CATSPERE: variants seen among roughly 807,000 people sequenced by gnomAD.
CATSPERE encodes cation channel sperm-associated auxiliary subunit epsilon.
A neutral mutation model predicts 114.1 loss-of-function variants in CATSPERE; 93 were observed. That is an observed-to-expected ratio of 0.81 (90% CI 0.69 to 0.97). CATSPERE has a LOEUF of 0.97. CATSPERE is among the 50% of genes least tolerant of loss of function. The probability of loss-of-function intolerance (pLI) is 0.00; values close to 1 mark genes in which losing one functional copy is unlikely to be tolerated. For synonymous variants in CATSPERE, 341 were observed against 384.1 expected, an observed-to-expected ratio of 0.89 and a Z score of 1.31; for missense variants, 1,058 against 1,131.6, an observed-to-expected ratio of 0.93 and a Z score of 0.93.
In CATSPERE at chr1:244,573,031, T is replaced by C. The variant is rs975354930; in HGVS notation, c.1950+259T>C. ...AATTGTATTGTTCACTTCTTCTTCT[T>C]TTTTTTTTTAATGCATGGCTTTCCT... On this transcript the variant is annotated intron_variant, in intron 11 of 21. Coordinates refer to ENST00000366534, the MANE Select transcript of CATSPERE (RefSeq NM_001130957.2). This position sits in a 1 kb window ranked among gnomAD's most constrained non-coding sequence, Gnocchi z 4.0. Among the ~76,000 whole-genome samples, 18 of 147,540 alleles carry C rather than the reference T, an allele frequency of 1.2e-4. No homozygotes were observed. Among genetic ancestry groups the C allele is most frequent in the Non-Finnish European group, 2.7e-4 (18 of 66,506 alleles).
chr1:244,627,081 G>C (rs1261953051), intron 20 of CATSPERE, among the ~76,000 whole-genome samples: 1 of 152,174 alleles, frequency 6.6e-6, no homozygotes, highest in Non-Finnish European at 1.5e-5. Context: ...TGAACACGTA[G>C]AGGCTATTTT....
upstream of CATSPERE, chr1:244,451,730 C>A: frequency 6.2e-7 from 1 of 1,610,288 alleles, no homozygotes; most frequent in Non-Finnish European, 8.5e-7. The surrounding 1 kb of genome is among the most constrained non-coding windows in gnomAD (Gnocchi z 6.6). Context: ...ACCACCGTCA[C>A]CCGGTTTCCT....
At chr1:244,611,099 CTA>C (rs1452484138) in intron 19 of CATSPERE, among the ~76,000 whole-genome samples, 2 of 152,112 alleles carry the variant, frequency 1.3e-5, no homozygotes, top group South Asian at 2.1e-4. Flanking sequence ...GCGTTTATAA[CTA>C]TGACACATTA....
intron 8 of CATSPERE, among the ~76,000 whole-genome samples, chr1:244,545,710 C>A (rs1659646268): frequency 6.6e-6 from 1 of 152,212 alleles, no homozygotes; most frequent in African/African-American, 2.4e-5. Flanking sequence ...CCATCATGAA[C>A]TGTTACTTGA....
Position 244,617,494 on chromosome 1 carries a change from T to C in CATSPERE, c.2491-35T>C, listed in dbSNP as rs1305201665. ...AATTTTGCGTATCAAAGTCATAAAA[T>C]GACCTTAAAATTTTTGTCTTTGTTT... On this transcript the variant is annotated intron_variant, in intron 19 of 21. Coordinates refer to ENST00000366534, the MANE Select transcript of CATSPERE (RefSeq NM_001130957.2). 4 of 1,450,826 alleles carry C rather than the reference T, an allele frequency of 2.8e-6. 1 individual carries two copies. The South Asian group carries it at 5.7e-5, about 21-fold the overall frequency. 89.9% of individuals were successfully genotyped at this position (1,450,826 alleles called of 1,614,324 possible). A position where few individuals can be genotyped will look rare whatever the true frequency, so the allele number is the denominator to read the frequency against.
At chr1:244,615,826 A>T (rs949790676) in intron 19 of CATSPERE, among the ~76,000 whole-genome samples, 1 of 151,974 alleles carries the variant, frequency 6.6e-6, no homozygotes, top group Non-Finnish European at 1.5e-5. Flanking sequence ...ATTTTCAAAA[A>T]TTTCAGGCCA....
chr1:244,587,941 T>A (rs1667221077), intron 13 of CATSPERE, among the ~76,000 whole-genome samples: 1 of 152,146 alleles, frequency 6.6e-6, no homozygotes, highest in Admixed American at 6.5e-5. Flanking sequence ...CCACCTGTAA[T>A]CCCAGCACTT....
chr1:244,562,173 A>AAAAAAC, intron 10 of CATSPERE, among the ~76,000 whole-genome samples: 1 of 151,190 alleles, frequency 6.6e-6, no homozygotes, highest in African/African-American at 2.4e-5. Flanking sequence ...AAAAAAAAAA[A>AAAAAAC]AGCTCCTGTG....
At chr1:244,544,295 T>G (rs891438847) in intron 8 of CATSPERE, among the ~76,000 whole-genome samples, 1 of 152,174 alleles carries the variant, frequency 6.6e-6, no homozygotes, top group Non-Finnish European at 1.5e-5. Flanking sequence ...TTTCACAGAT[T>G]ACTGGCCACT....
intron 2 of CATSPERE, among the ~76,000 whole-genome samples, chr1:244,467,715 A>G (rs1401252107): frequency 6.6e-6 from 1 of 152,204 alleles, no homozygotes; most frequent in Non-Finnish European, 1.5e-5. Flanking sequence ...AATCAGTAGT[A>G]TAGAGGGATA....
chr1:244,474,007 T>G (rs1668874574), intron 2 of CATSPERE, among the ~76,000 whole-genome samples: 1 of 152,038 alleles, frequency 6.6e-6, no homozygotes, highest in Non-Finnish European at 1.5e-5. Flanking sequence ...TTTACTCTTT[T>G]ACTGCCTGGT....
chr1:244,457,712 A>G (rs1339151998), upstream of CATSPERE: 1 of 152,210 alleles, frequency 6.6e-6, no homozygotes, highest in Non-Finnish European at 1.5e-5. Context: ...TATTTGACAG[A>G]CTTTCCAAAA....
chr1:244,548,245 C>G (rs1408757720), intron 8 of CATSPERE, among the ~76,000 whole-genome samples: 2 of 152,178 alleles, frequency 1.3e-5, no homozygotes, highest in Non-Finnish European at 2.9e-5. Context: ...TTGTCATCAC[C>G]CAATGCACGC....
intron 11 of CATSPERE, among the ~76,000 whole-genome samples, chr1:244,578,669 C>T (rs1412986693): frequency 1.3e-5 from 2 of 150,570 alleles, no homozygotes; most frequent in East Asian, 3.9e-4. Context: ...ATATATAGCT[C>T]TCTCTCTCTG....
intron 17 of CATSPERE, among the ~76,000 whole-genome samples, chr1:244,603,828 A>C (rs545113278): frequency 6.6e-6 from 1 of 152,248 alleles, no homozygotes; most frequent in Non-Finnish European, 1.5e-5. Context: ...CAACATAGTG[A>C]GACTCCCCAT....
At chr1:244,560,092 A>C (rs1428694560) in intron 9 of CATSPERE, among the ~76,000 whole-genome samples, 1 of 152,086 alleles carries the variant, frequency 6.6e-6, no homozygotes, top group East Asian at 1.9e-4. Flanking sequence ...TCCTGGGCTC[A>C]AGTGATCCTT....
At position 244,558,093 on chromosome 1, in the gene CATSPERE, G is replaced by C. The variant is rs1175155075; in HGVS notation, c.1030-2575G>C. Among the ~76,000 whole-genome samples, 3 of 151,240 alleles carry C rather than the reference G, an allele frequency of 2.0e-5. No homozygotes were observed. In the East Asian group the frequency reaches 5.8e-4, roughly 29 times the overall value. On this transcript the variant is annotated intron_variant, in intron 9 of 21. Transcript: ENST00000366534. ...GGCTTCCCAAAGTGCTGAGATTACA[G>C]GCATGAGCCACCATGCCCAGGCCCA...
intron 7 of CATSPERE, among the ~76,000 whole-genome samples, chr1:244,506,384 G>T (rs1326375963): frequency 6.6e-6 from 1 of 152,080 alleles, no homozygotes; most frequent in Non-Finnish European, 1.5e-5. Context: ...TCATATCCCT[G>T]CTTTAAAAAC....
rs755643177 is a variant in CATSPERE at position 244,573,510 on chromosome 1, T to G, written c.1950+738T>G. Among the ~76,000 whole-genome samples the G allele has an allele frequency of 3.3e-5, 5 of 152,186 alleles. No homozygotes were observed. The highest frequency in any genetic ancestry group is 7.4e-5 in the Non-Finnish European group (5 of 68,018). On this transcript the variant is annotated intron_variant, in intron 11 of 21. Coordinates refer to ENST00000366534, the MANE Select transcript of CATSPERE (RefSeq NM_001130957.2). This position sits in a 1 kb window ranked among gnomAD's most constrained non-coding sequence, Gnocchi z 4.0. ...GCCATGCAGTTCTGCTGGTTTCATC[T>G]GGGTTCGTGGATGTGATGTGGGCAT...
Sources: allele counts gnomAD v4.1 joint callset (sites outside exome capture counted in the v4.1 genomes callset), GRCh38; gene constraint gnomAD v4.1.1; non-coding constraint Gnocchi (gnomAD v3.1); transcripts MANE v1.5; gene names NCBI Gene and HGNC (gene_info 2026-07-23, HGNC 2026-07-21).